LRP1B: variants seen among roughly 807,000 people sequenced by gnomAD.
LRP1B encodes the protein low-density lipoprotein receptor-related protein 1B.
A neutral mutation model predicts 556.6 loss-of-function variants in LRP1B; 217 were observed. That is an observed-to-expected ratio of 0.39 (90% confidence interval 0.35 to 0.44). The LOEUF is 0.44. Ranked by LOEUF, LRP1B falls within the 20% of genes least tolerant of loss-of-function variation. The pLI is 1.00. For synonymous variants in LRP1B, 2,047 were observed against 1,865.8 expected (o/e 1.10, Z -2.50); for missense variants, 5,053 against 5,620.8 (o/e 0.90, Z 3.23).
chr2:140,655,915 C>T (rs1156834831), intron 41 of LRP1B, among the ~76,000 whole-genome samples: 1 of 149,236 alleles, frequency 6.7e-6, no homozygotes, highest in Non-Finnish European at 1.5e-5. Flanking sequence ...TGCACTCCAG[C>T]CTGGGAGACA....
At chr2:141,158,576 A>G (rs1345172213) in intron 7 of LRP1B, among the ~76,000 whole-genome samples, 1 of 152,134 alleles carries the variant, frequency 6.6e-6, no homozygotes, top group Non-Finnish European at 1.5e-5. Context: ...ACACTAAGAT[A>G]TCACTTATTC....
chr2:141,049,004 C>T lies in LRP1B; in HGVS notation c.1771G>A (p.Glu591Lys), dbSNP rs758852229. ...CACTTACCATCTTTCAGGATGGTTTCTCTCTCTGTGCCATCTATCTTCTGC... is the reference window on the plus strand; with the variant it reads ...CACTTACCATCTTTCAGGATGGTTTTTCTCTCTGTGCCATCTATCTTCTGC... ...GRQKIDGTER[E>K]TILKDDLDNV... Residue 591 changes from glutamate to lysine, a missense_variant, in exon 11 of 91, where the codon GAA becomes AAA. Coordinates refer to ENST00000389484, the MANE Select transcript of LRP1B (RefSeq NM_018557.3). 2 of 1,612,656 alleles carry T rather than the reference C, an allele frequency of 1.2e-6. No individual in the cohort carries two copies. Among genetic ancestry groups the T allele is most frequent in the East Asian group, 4.5e-5 (2 of 44,800 alleles).
At chr2:142,036,607 A>G (rs528339985) in intron 1 of LRP1B, among the ~76,000 whole-genome samples, 8 of 151,840 alleles carry the variant, frequency 5.3e-5, no homozygotes, top group Non-Finnish European at 7.4e-5. Flanking sequence ...TTTTCTCTAC[A>G]ATCTTATAAA....
intron 86 of LRP1B, among the ~76,000 whole-genome samples, chr2:140,261,379 G>T (rs971066273): frequency 7.2e-5 from 11 of 151,744 alleles, no homozygotes; most frequent in Admixed American, 1.3e-4. Context: ...GATGTAACTT[G>T]CCCAAAGAGA....
intron 1 of LRP1B, among the ~76,000 whole-genome samples, chr2:142,044,608 A>G (rs1196391082): frequency 6.6e-6 from 1 of 151,756 alleles, no homozygotes; most frequent in Non-Finnish European, 1.5e-5. Context: ...TTGACAGAGT[A>G]CTTTTTTAAA....
At chr2:141,209,240 C>T (rs1009054021) in intron 6 of LRP1B, among the ~76,000 whole-genome samples, 1 of 152,108 alleles carries the variant, frequency 6.6e-6, no homozygotes, top group African/African-American at 2.4e-5. Context: ...GGGAGGTAGT[C>T]GAATCATGAG....
intron 41 of LRP1B, among the ~76,000 whole-genome samples, chr2:140,610,683 G>T (rs1009254758): frequency 1.4e-4 from 22 of 152,280 alleles, no homozygotes; most frequent in Admixed American, 5.2e-4. Flanking sequence ...CCTCCGGGGT[G>T]CACGCCATTC....
chr2:141,872,658 A>T (rs1025989973), intron 1 of LRP1B, among the ~76,000 whole-genome samples: 1 of 151,900 alleles, frequency 6.6e-6, no homozygotes, highest in African/African-American at 2.4e-5. Context: ...CAGAAAGGCC[A>T]TCTCAGGTCA....
At chr2:141,721,477 T>C (rs1454137430) in intron 2 of LRP1B, among the ~76,000 whole-genome samples, 1 of 152,172 alleles carries the variant, frequency 6.6e-6, no homozygotes, top group Non-Finnish European at 1.5e-5. Context: ...TTTTTTGTAC[T>C]CTACACAATA....
intron 6 of LRP1B, among the ~76,000 whole-genome samples, chr2:141,225,120 G>A (rs1435220752): frequency 1.3e-5 from 2 of 152,138 alleles, no homozygotes; most frequent in Admixed American, 6.6e-5. Flanking sequence ...ATAAAAGCCT[G>A]TGAATGGGGT....
chr2:141,867,712 T>C (rs1336275753), intron 1 of LRP1B, among the ~76,000 whole-genome samples: 1 of 152,134 alleles, frequency 6.6e-6, no homozygotes, highest in Non-Finnish European at 1.5e-5. Context: ...AATAGAAAGG[T>C]AAGACTTTTT....
At chr2:140,514,537 G>GC in intron 51 of LRP1B, 116 bp downstream of exon 51, 1 of 864,550 alleles carries the variant, frequency 1.2e-6, no homozygotes, top group African/African-American at 1.7e-5. Flanking sequence ...ACCTAGAAAG[G>GC]TACACATAAA....
At chr2:142,067,998 A>G (rs547528394) in intron 1 of LRP1B, among the ~76,000 whole-genome samples, 1 of 151,662 alleles carries the variant, frequency 6.6e-6, no homozygotes, top group East Asian at 1.9e-4. Flanking sequence ...CATGAAATAC[A>G]TGGACATGGA....
chr2:141,013,153 C>T (rs1202593493), intron 14 of LRP1B, among the ~76,000 whole-genome samples: 1 of 151,834 alleles, frequency 6.6e-6, no homozygotes, highest in Non-Finnish European at 1.5e-5. Context: ...TAAAAAATAA[C>T]ATTTTTCTTG....
At chr2:141,336,221 C>T (rs1393752128) in intron 3 of LRP1B, among the ~76,000 whole-genome samples, 3 of 151,706 alleles carry the variant, frequency 2.0e-5, no homozygotes, top group African/African-American at 2.4e-5. Flanking sequence ...CTCCTGGCTT[C>T]TTCCTGTCTC....
At chr2:140,799,274 G>A (rs1264531281) in intron 32 of LRP1B, among the ~76,000 whole-genome samples, 1 of 152,054 alleles carries the variant, frequency 6.6e-6, no homozygotes, top group Non-Finnish European at 1.5e-5. Context: ...AGTTTTAGAT[G>A]AGGTCATGAG....
chr2:140,457,931 C>T (rs1573961436), intron 60 of LRP1B, among the ~76,000 whole-genome samples: 1 of 151,950 alleles, frequency 6.6e-6, no homozygotes, highest in South Asian at 2.1e-4. Context: ...AAACAAATAC[C>T]ATCCACCATT....
rs1234823132 is a variant in LRP1B, at chr2:142,115,552, TATTA to T, written c.82+15092_82+15095del. Among the ~76,000 whole-genome samples, 4 of 22,640 alleles carry T rather than the reference TATTA, an allele frequency of 1.8e-4. 2 individuals carry two copies. Among genetic ancestry groups the T allele is most frequent in the African/African-American group, 3.6e-4 (4 of 11,022 alleles). 14.9% of individuals were successfully genotyped at this position (22,640 alleles called of 152,430 possible). On this transcript the variant is annotated intron_variant, in intron 1 of 90. Coordinates refer to ENST00000389484, the MANE Select transcript of LRP1B (RefSeq NM_018557.3). ...ATATATATTACATATGTAATATATA[TATTA>T]TATATGTAATATATATTATATATGT...
chr2:140,901,222 G>A (rs1477535015), intron 23 of LRP1B, among the ~76,000 whole-genome samples: 1 of 151,986 alleles, frequency 6.6e-6, no homozygotes, highest in East Asian at 1.9e-4. Context: ...CATAAACAAC[G>A]ACCTCCTTGT....
Sources: gnomAD v4.1 joint callset for allele counts (sites outside exome capture counted in the v4.1 genomes callset) on GRCh38, gnomAD v4.1.1 for gene constraint, MANE v1.5 for transcripts, NCBI Gene and HGNC (gene_info 2026-07-23, HGNC 2026-07-21) for gene names.